The following CC2D2B variants were observed in gnomAD, a reference collection of about 807,000 sequenced individuals.
CC2D2B encodes the protein protein CC2D2B.
Under a neutral mutation model 161.2 loss-of-function variants are expected in CC2D2B, and 128 were observed. The ratio of observed to expected loss-of-function variants is 0.79; its 90% CI spans 0.69 to 0.92. The LOEUF is 0.92. Ranked by LOEUF, CC2D2B falls within the 40% of genes least tolerant of loss-of-function variation. The probability of loss-of-function intolerance (pLI) is 0.00; values close to 1 mark genes in which losing one functional copy is unlikely to be tolerated. For missense variants in CC2D2B, 1,173 were observed against 1,375.1 expected (o/e 0.85, Z 2.32); for synonymous variants, 391 against 449.8 (o/e 0.87, Z 1.65).
chr10:95,943,120 A>G (rs1291609239), intron 9 of CC2D2B, among the ~76,000 whole-genome samples: 1 of 152,080 alleles, frequency 6.6e-6, no homozygotes, highest in Non-Finnish European at 1.5e-5. Context: ...AATTCCTGGG[A>G]ACTAGATTCC....
intron 24 of CC2D2B, among the ~76,000 whole-genome samples, chr10:96,003,547 T>C (rs951761499): frequency 6.6e-6 from 1 of 150,964 alleles, no homozygotes; most frequent in Non-Finnish European, 1.5e-5. Flanking sequence ...GCCTCCTGAG[T>C]AGCTGGGATT....
intron 24 of CC2D2B, chr10:96,000,154 A>G: frequency 6.8e-7 from 1 of 1,467,148 alleles, no homozygotes; most frequent in South Asian, 1.4e-5. Context: ...ATAGATTCGC[A>G]TATACATGGC....
chr10:95,990,539 G>T (rs1404826590), intron 20 of CC2D2B, among the ~76,000 whole-genome samples: 1 of 152,130 alleles, frequency 6.6e-6, no homozygotes, highest in Non-Finnish European at 1.5e-5. Flanking sequence ...GGCCACCGGG[G>T]TCTTGTTCAC....
chr10:95,942,171 G>C lies in CC2D2B; in HGVS notation c.801+3246G>C, dbSNP rs143989189. Among the ~76,000 whole-genome samples the C allele has an allele frequency of 1.6e-4, 25 of 152,244 alleles. No homozygotes were observed. The East Asian group carries it at 2.1e-3, about 13-fold the overall frequency. On this transcript the variant is annotated intron_variant, in intron 9 of 34. Coordinates refer to ENST00000646931, the MANE Select transcript of CC2D2B (RefSeq NM_001349008.3). The stretch of plus-strand genomic sequence containing the variant: ...GCGGTTGCCAGGGGCTTGGGGAAGA[G>C]AGAAATAGGGAGTTGCTGTTCAAAG...
At chr10:95,949,520 G>C (rs11594120) in intron 9 of CC2D2B, among the ~76,000 whole-genome samples, 3 of 111,886 alleles carry the variant, frequency 2.7e-5, no homozygotes, top group African/African-American at 7.2e-5. Context: ...GGTCGGGGGA[G>C]GGGGGAGGGA....
chr10:95,908,920 TATG>T (rs1200735895), intron 1 of CC2D2B, among the ~76,000 whole-genome samples: 1 of 152,068 alleles, frequency 6.6e-6, no homozygotes, highest in Non-Finnish European at 1.5e-5. Context: ...CAAAATATAA[TATG>T]ATAGTTTTTG....
chr10:95,953,365 G>C (rs927778222), intron 10 of CC2D2B, among the ~76,000 whole-genome samples: 2 of 151,862 alleles, frequency 1.3e-5, no homozygotes, highest in African/African-American at 2.4e-5. Flanking sequence ...CAACACCCGG[G>C]TCATTTTTAA....
rs538110609 is a variant in CC2D2B, at chr10:95,980,665, C to T, written c.1944-1310C>T. 5.9e-5 allele frequency among the ~76,000 whole-genome samples: 9 copies of T among 152,258 alleles called. No individual in the cohort carries two copies. In the South Asian group the frequency reaches 1.9e-3, roughly 32 times the overall value. ...AAAGAAAAGAAGAATATGCAAACTTCACCTGTTCGTAATTTTCCTTACATC... is the reference window on the plus strand; with the variant it reads ...AAAGAAAAGAAGAATATGCAAACTTTACCTGTTCGTAATTTTCCTTACATC... On this transcript the variant is annotated intron_variant, in intron 17 of 34. Coordinates refer to ENST00000646931, the MANE Select transcript of CC2D2B (RefSeq NM_001349008.3).
In CC2D2B at chr10:95,995,366, G is replaced by A. The variant is rs2141709506; in HGVS notation, c.2739+1G>A. 6.9e-7 allele frequency: 1 copy of A among 1,449,260 alleles called. No individual in the cohort carries two copies. Among genetic ancestry groups the A allele is most frequent in the Non-Finnish European group, 9.3e-7 (1 of 1,075,002 alleles). The allele number at this position is 1,449,260 out of a possible 1,614,324, so 89.8% of individuals were successfully genotyped here. A position where few individuals can be genotyped will look rare whatever the true frequency, so the allele number is the denominator to read the frequency against. Reference sequence around the variant, plus strand: ...AGCCTCAGATGAGACCTTACATGAGGTAAGTATTTAACACTTCTATAAAGT... The same window carrying A: ...AGCCTCAGATGAGACCTTACATGAGATAAGTATTTAACACTTCTATAAAGT... On this transcript the variant is annotated splice_donor_variant, in intron 23 of 34. Coordinates refer to ENST00000646931, the MANE Select transcript of CC2D2B (RefSeq NM_001349008.3). LOFTEE classifies it low-confidence loss of function (ANC_ALLELE).
At chr10:96,000,419 A>C (rs2078432878) in intron 24 of CC2D2B, among the ~76,000 whole-genome samples, 1 of 152,080 alleles carries the variant, frequency 6.6e-6, no homozygotes, top group Non-Finnish European at 1.5e-5. Context: ...GCTGGAGTGC[A>C]GTGGCGCGAT....
intron 20 of CC2D2B, among the ~76,000 whole-genome samples, 150 bp from the exon 21 acceptor site, chr10:95,991,204 TTAATAATGGCAGCAAA>T (rs1170534643): frequency 6.6e-6 from 1 of 152,222 alleles, no homozygotes; most frequent in East Asian, 1.9e-4. Context: ...GGAAATTACT[TTAATAATGGCAGCAAA>T]CAGAAGAGTA....
At chr10:96,028,363 C>CATAT (rs2079875765) in intron 34 of CC2D2B, among the ~76,000 whole-genome samples, 1 of 152,072 alleles carries the variant, frequency 6.6e-6, no homozygotes, top group African/African-American at 2.4e-5. Context: ...GACAAACAGG[C>CATAT]ATATGAAAAG....
Position 95,995,367 on chromosome 10 carries a change from T to C in CC2D2B, c.2739+2T>C. ...GCCTCAGATGAGACCTTACATGAGG[T>C]AAGTATTTAACACTTCTATAAAGTA... On this transcript the variant is annotated splice_donor_variant, in intron 23 of 34. Transcript: ENST00000646931. LOFTEE classifies it high-confidence loss of function. 1 of 1,423,002 alleles carries C rather than the reference T, an allele frequency of 7.0e-7. No homozygotes were observed. Among genetic ancestry groups the C allele is most frequent in the Non-Finnish European group, 9.5e-7 (1 of 1,050,898 alleles). The allele number at this position is 1,423,002 out of a possible 1,614,324, so 88.1% of individuals were successfully genotyped here. A position where few individuals can be genotyped will look rare whatever the true frequency, so the allele number is the denominator to read the frequency against.
chr10:96,029,264 A>ATACATATATATGTATATC (rs2079934466), intron 34 of CC2D2B, among the ~76,000 whole-genome samples: 1 of 60,484 alleles, frequency 1.7e-5, no homozygotes, highest in Non-Finnish European at 3.0e-5. Flanking sequence ...ATATATATAT[A>ATACATATATATGTATATC]TATATATATA....
chr10:95,996,024 G>T, intron 23 of CC2D2B, 119 bp from the exon 24 acceptor site: 1 of 419,356 alleles, frequency 2.4e-6, no homozygotes, highest in Non-Finnish European at 4.2e-6. Context: ...ATAAATAATG[G>T]TCATTTGAAA....
chr10:95,908,976 G>C (rs1200046038), intron 1 of CC2D2B, among the ~76,000 whole-genome samples: 1 of 152,096 alleles, frequency 6.6e-6, no homozygotes, highest in Non-Finnish European at 1.5e-5. Context: ...GAAGTCCCAA[G>C]ATAGAGAAGT....
At position 95,981,398 on chromosome 10, in the gene CC2D2B, CAAAAAA is replaced by C. The variant is rs35175559; in HGVS notation, c.1944-559_1944-554del. ...CTGGCTACAGAGTGAGACTCCGTCTCAAAAAAAAAAAAAAAAAAAAAAAGATTATCT... is the reference window on the plus strand; with the variant it reads ...CTGGCTACAGAGTGAGACTCCGTCTCAAAAAAAAAAAAAAAAAGATTATCT... On this transcript the variant is annotated intron_variant, in intron 17 of 34. Transcript: ENST00000646931. Among the ~76,000 whole-genome samples the C allele has an allele frequency of 1.1e-3, 99 of 88,428 alleles. 4 individuals carry two copies. The South Asian group carries it at 0.036, about 32-fold the overall frequency. The allele number at this position is 88,428 out of a possible 152,430, so 58.0% of individuals were successfully genotyped here.
At chr10:95,911,773 A>T (rs1566300542) in intron 2 of CC2D2B, among the ~76,000 whole-genome samples, 1 of 152,210 alleles carries the variant, frequency 6.6e-6, no homozygotes, top group Non-Finnish European at 1.5e-5. Flanking sequence ...CTTATGAAAA[A>T]GTATACAGGA....
At chr10:95,970,352 A>C (rs999184700) in intron 15 of CC2D2B, among the ~76,000 whole-genome samples, 1 of 151,046 alleles carries the variant, frequency 6.6e-6, no homozygotes, top group South Asian at 2.1e-4. Context: ...ATTTCTTACT[A>C]CTCCTCCTTA....
Sources: gnomAD v4.1 joint callset for allele counts (sites outside exome capture counted in the v4.1 genomes callset) on GRCh38, gnomAD v4.1.1 for gene constraint, MANE v1.5 for transcripts, NCBI Gene and HGNC (gene_info 2026-07-23, HGNC 2026-07-21) for gene names.